Variants in CCDC186 observed in about 807,000 individuals in gnomAD.
The protein encoded by CCDC186 is coiled-coil domain-containing protein 186.
Under a neutral mutation model 113.7 loss-of-function variants are expected in CCDC186, and 49 were observed. The ratio of observed to expected loss-of-function variants is 0.43; its 90% confidence interval spans 0.34 to 0.55. CCDC186 has a LOEUF of 0.55. Among genes scored for constraint, CCDC186 ranks in the 20% least tolerant of loss-of-function variants. The pLI is 0.02. For missense variants in CCDC186, 890 were observed against 1,011.1 expected (o/e 0.88, Z 1.62); for synonymous variants, 355 against 345.8 (o/e 1.03, Z -0.30).
At chr10:114,158,710 A>G (rs2032081310) in intron 2 of CCDC186, among the ~76,000 whole-genome samples, 1 of 152,182 alleles carries the variant, frequency 6.6e-6, no homozygotes, top group African/African-American at 2.4e-5. Flanking sequence ...TAAAAATAAA[A>G]TAAAAATATT....
At chr10:114,165,814 CT>C (rs1284762205) in intron 1 of CCDC186, 1 of 841,180 alleles carries the variant, frequency 1.2e-6, no homozygotes, top group African/African-American at 2.1e-5. Context: ...TGCCATTGCA[CT>C]CCAGCCTGGG....
Position 114,123,465 on chromosome 10 carries a change from T to G in CCDC186, c.*1678A>C, listed in dbSNP as rs1184489895. On this transcript the variant is annotated 3_prime_UTR_variant, in exon 16 of 16. Transcript: ENST00000369287. Reference sequence around the variant, plus strand: ...ATGTTAAAACACATTAAAAGGATATTGCCACCATGAGCCCAACTTTTAGAG... The same window carrying G: ...ATGTTAAAACACATTAAAAGGATATGGCCACCATGAGCCCAACTTTTAGAG... 1 of 152,188 alleles carries G rather than the reference T, an allele frequency of 6.6e-6. No individual in the cohort carries two copies. Among genetic ancestry groups the G allele is most frequent in the Admixed American group, 6.5e-5 (1 of 15,278 alleles). 9.4% of individuals were successfully genotyped at this position (152,188 alleles called of 1,614,324 possible).
At chr10:114,142,296 C>G (rs1421852818) in intron 6 of CCDC186, among the ~76,000 whole-genome samples, 1 of 152,236 alleles carries the variant, frequency 6.6e-6, no homozygotes, top group Non-Finnish European at 1.5e-5. Context: ...CTACAACCTC[C>G]TGCTGGTCTA....
chr10:114,141,734 T>C (rs2031476005), intron 6 of CCDC186, among the ~76,000 whole-genome samples: 1 of 152,114 alleles, frequency 6.6e-6, no homozygotes. Flanking sequence ...CATTGTTGTA[T>C]TTTTCTCTTT....
At chr10:114,141,076 T>C (rs925541130) in intron 6 of CCDC186, among the ~76,000 whole-genome samples, 2 of 151,776 alleles carry the variant, frequency 1.3e-5, no homozygotes, top group African/African-American at 4.8e-5. Flanking sequence ...GTTCTTTGTG[T>C]AGAGATGGGG....
chr10:114,166,019 G>A (rs987977204), intron 1 of CCDC186: 17 of 811,636 alleles, frequency 2.1e-5, no homozygotes, highest in Non-Finnish European at 2.5e-5. Flanking sequence ...TAAGTTTTTT[G>A]TAGTAACCAA....
intron 5 of CCDC186, among the ~76,000 whole-genome samples, 184 bp downstream of exon 5, chr10:114,145,365 T>C (rs956576035): frequency 2.6e-5 from 4 of 152,178 alleles, no homozygotes; most frequent in African/African-American, 9.7e-5. Context: ...ACCTTTTCTC[T>C]GCAGACAAGT....
chr10:114,173,163 T>C (rs959160735), intron 1 of CCDC186: 1 of 455,644 alleles, frequency 2.2e-6, no homozygotes, highest in Non-Finnish European at 4.4e-6. Context: ...TGCGTATTTT[T>C]ACTATATTCT....
At chr10:114,154,157 A>C (rs764834708) in intron 3 of CCDC186, among the ~76,000 whole-genome samples, 2 of 150,858 alleles carry the variant, frequency 1.3e-5, no homozygotes, top group Non-Finnish European at 3.0e-5. Context: ...GTTGCAGTGA[A>C]CCGAGATCGC....
intron 7 of CCDC186, among the ~76,000 whole-genome samples, chr10:114,136,495 A>C (rs920933335): frequency 1.3e-5 from 2 of 152,240 alleles, no homozygotes; most frequent in Admixed American, 1.3e-4. Context: ...AGCAAGCTGC[A>C]CTTTTTTTCT....
At position 114,136,223 on chromosome 10, in the gene CCDC186, A is replaced by G. The variant is rs1015281561; in HGVS notation, c.1350T>C (p.Asn450=). 3.1e-6 allele frequency: 5 copies of G among 1,611,016 alleles called. No homozygotes were observed. The African/African-American group carries it at 6.7e-5, about 22-fold the overall frequency. ...TYQESEEIKS[N]ELDAKLRVTK... is the part of the protein sequence containing the mutation. ...TGACTCTAAGCTTTGCATCAAGCTC[A>G]TTTGATTTAATTTCTTCTGACTCCT... is the stretch of plus-strand genomic sequence containing the variant. The change falls in exon 8 of 16, where the codon AAT becomes AAC. Residue 450 remains asparagine (N), a synonymous_variant. Coordinates refer to ENST00000369287, the MANE Select transcript of CCDC186 (RefSeq NM_018017.4).
chr10:114,131,978 C>T lies in CCDC186; in HGVS notation c.1862G>A (p.Ser621Asn). Reference sequence around the variant, plus strand: ...TTGTTCACACTGGCTTTGTAACTGACTTTCACTACAGGAAACTTTATCAAA... The same window carrying T: ...TTGTTCACACTGGCTTTGTAACTGATTTTCACTACAGGAAACTTTATCAAA... ...SQFDKVSCSE[S>N]QLQSQCEQMK... The change falls in exon 11 of 16, where the codon AGT becomes AAT. Residue 621 changes from serine to asparagine, a missense_variant. Coordinates refer to ENST00000369287, the MANE Select transcript of CCDC186 (RefSeq NM_018017.4). The T allele has an allele frequency of 1.2e-6, 2 of 1,612,516 alleles. No homozygotes were observed. The highest frequency in any genetic ancestry group is 1.7e-6 in the Non-Finnish European group (2 of 1,179,310).
intron 1 of CCDC186, among the ~76,000 whole-genome samples, chr10:114,164,490 C>T (rs2032278205): frequency 6.6e-6 from 1 of 152,034 alleles, no homozygotes; most frequent in South Asian, 2.1e-4. Flanking sequence ...TAGTCATCTT[C>T]AAATATTATC....
At chr10:114,145,836 T>G in intron 4 of CCDC186, 75 bp from the exon 5 acceptor site, 1 of 1,346,638 alleles carries the variant, frequency 7.4e-7, no homozygotes, top group Non-Finnish European at 1.0e-6. Flanking sequence ...ACATGGTATT[T>G]GTCTCTTATA....
rs377658502 is a variant in CCDC186 at position 114,131,244 on chromosome 10, T to G, written c.2004A>C (p.Ala668=). The G allele has an allele frequency of 1.2e-6, 2 of 1,603,812 alleles. No homozygotes were observed. The highest frequency in any genetic ancestry group is 1.7e-6 in the Non-Finnish European group (2 of 1,175,708). The change falls in exon 12 of 16, where the codon GCA becomes GCC. Residue 668 remains alanine, a synonymous_variant. Coordinates refer to ENST00000369287, the MANE Select transcript of CCDC186 (RefSeq NM_018017.4). ...TTAATTCTTCTACCTGGGTACTCAATGCTTTAACTTCTGTTTGTCTACAAG... is the reference window on the plus strand; with the variant it reads ...TTAATTCTTCTACCTGGGTACTCAAGGCTTTAACTTCTGTTTGTCTACAAG... The part of the protein sequence containing the change: ...ELACRQTEVK[A]LSTQVEELKD...
rs368583662 is a variant in CCDC186 at position 114,131,114 on chromosome 10, C to G, written c.2101+33G>C. The G allele has an allele frequency of 4.4e-6, 6 of 1,366,278 alleles. No homozygotes were observed. The African/African-American group carries it at 9.0e-5, about 20-fold the overall frequency. 84.6% of individuals were successfully genotyped at this position (1,366,278 alleles called of 1,614,324 possible). ...TCCTAATGATTAAAAGAAACAAACACATTCATGGTCTAAGTGTGGAAGAAT... is the reference window on the plus strand; with the variant it reads ...TCCTAATGATTAAAAGAAACAAACAGATTCATGGTCTAAGTGTGGAAGAAT... On this transcript the variant is annotated intron_variant, in intron 12 of 15. Transcript: ENST00000369287.
Position 114,125,770 on chromosome 10 carries a change from G to A in CCDC186, c.2613+116C>T, listed in dbSNP as rs914234404. ...GAAAATCACGAAACTTCATCTTTGGGTAAAATGACTGCCTTGCATTACAGA... is the reference window on the plus strand; with the variant it reads ...GAAAATCACGAAACTTCATCTTTGGATAAAATGACTGCCTTGCATTACAGA... On this transcript the variant is annotated intron_variant, in intron 15 of 15. Transcript: ENST00000369287. The A allele has an allele frequency of 4.0e-6, 3 of 741,106 alleles. No individual in the cohort carries two copies. The African/African-American group carries it at 5.3e-5, about 13-fold the overall frequency. The allele number at this position is 741,106 out of a possible 1,614,324, so 45.9% of individuals were successfully genotyped here.
Position 114,121,122 on chromosome 10 carries a change from A to G in CCDC186, c.*4021T>C, listed in dbSNP as rs2030708360. The G allele has an allele frequency of 6.6e-6, 1 of 152,170 alleles. No homozygotes were observed. The highest frequency in any genetic ancestry group is 6.5e-5 in the Admixed American group (1 of 15,274). 9.4% of individuals were successfully genotyped at this position (152,170 alleles called of 1,614,324 possible). A position where few individuals can be genotyped will look rare whatever the true frequency, so the allele number is the denominator to read the frequency against. On this transcript the variant is annotated 3_prime_UTR_variant, in exon 16 of 16. Coordinates refer to ENST00000369287, the MANE Select transcript of CCDC186 (RefSeq NM_018017.4). ...AAAAATACATCTCTAATATACAATT[A>G]TATTTTTCATTTATTTTCCTAAAAA...
chr10:114,157,533 G>A (rs756839985), intron 3 of CCDC186, 21 bp downstream of exon 3: 61 of 1,577,352 alleles, frequency 3.9e-5, no homozygotes, highest in Middle Eastern at 3.5e-4. Flanking sequence ...TATAGTCTTC[G>A]AAGATTTTTG....
Sources: gnomAD v4.1 joint callset for allele counts (sites outside exome capture counted in the v4.1 genomes callset) on GRCh38, gnomAD v4.1.1 for gene constraint, MANE v1.5 for transcripts, NCBI Gene and HGNC (gene_info 2026-07-23, HGNC 2026-07-21) for gene names.